TRMT11: variants seen among roughly 807,000 people sequenced by gnomAD.
The protein encoded by TRMT11 is tRNA methyltransferase 11.
Under a neutral mutation model 62.8 loss-of-function variants are expected in TRMT11, and 53 were observed. The observed-to-expected ratio is 0.84, with a 90% CI of 0.68 to 1.06. The LOEUF is 1.06. Ranked by LOEUF, TRMT11 falls within the 50% of genes least tolerant of loss-of-function variation. The pLI, the probability that TRMT11 is intolerant of heterozygous loss-of-function variation, is 0.00. For synonymous variants in TRMT11, 188 were observed against 190.3 expected (o/e 0.99, Z 0.10); for missense variants, 556 against 553.4 (o/e 1.00, Z -0.05).
At chr6:126,135,167 G>A (rs1022290910) in intron 21 of TRMT11, among the ~76,000 whole-genome samples, 1 of 151,380 alleles carries the variant, frequency 6.6e-6, no homozygotes, top group African/African-American at 2.4e-5. Context: ...ATGAAATTGA[G>A]ACTAAAAGAA....
In TRMT11 at chr6:125,993,783, T is replaced by C; in HGVS notation, c.99T>C (p.Phe33=). 6.2e-7 allele frequency: 1 copy of C among 1,611,252 alleles called. No homozygotes were observed. Among genetic ancestry groups the C allele is most frequent in the Non-Finnish European group, 8.5e-7 (1 of 1,177,822 alleles). Residue 33 remains phenylalanine (F), a synonymous_variant, in exon 2 of 13, where the codon TTT becomes TTC. Transcript: ENST00000334379. ...LPEIKSLLLL[F]GGQFASSQET... is the part of the protein sequence containing the mutation. Reference sequence around the variant, plus strand: ...AAATAAAGTCTTTGCTTTTGCTTTTTGGAGGTCAGTTTGCCAGCAGTCAAG... The same window carrying C: ...AAATAAAGTCTTTGCTTTTGCTTTTCGGAGGTCAGTTTGCCAGCAGTCAAG...
At chr6:126,200,666 T>A (rs542926138) in intron 3 of TRMT11, among the ~76,000 whole-genome samples, 49 of 152,298 alleles carry the variant, frequency 3.2e-4, no homozygotes, top group African/African-American at 1.2e-3. Context: ...GACATTCTCC[T>A]GCCTCAGCCT....
At chr6:126,090,415 C>G (rs1777261248) in intron 17 of TRMT11, among the ~76,000 whole-genome samples, 1 of 152,172 alleles carries the variant, frequency 6.6e-6, no homozygotes, top group Non-Finnish European at 1.5e-5. Flanking sequence ...TCACCCTGAT[C>G]TGATTAGATT....
intron 17 of TRMT11, among the ~76,000 whole-genome samples, chr6:126,105,894 G>A (rs748507652): frequency 1.3e-5 from 2 of 152,138 alleles, no homozygotes; most frequent in Non-Finnish European, 2.9e-5. Flanking sequence ...TCCCAGTACA[G>A]AGAAACTGAT....
At chr6:126,214,999 A>G in the TRMT11 span, among the ~76,000 whole-genome samples, 15 of 152,022 alleles carry the variant, frequency 9.9e-5, no homozygotes, top group African/African-American at 3.6e-4. Flanking sequence ...TAGTTTCCAG[A>G]ATTCCTCTTG....
At chr6:126,160,887 C>G (rs1778182330) in intron 21 of TRMT11, among the ~76,000 whole-genome samples, 1 of 152,016 alleles carries the variant, frequency 6.6e-6, no homozygotes, top group Non-Finnish European at 1.5e-5. Flanking sequence ...TGTCAGAAAA[C>G]TCCTATTTAG....
At chr6:126,072,394 C>A (rs1010659521) in intron 17 of TRMT11, among the ~76,000 whole-genome samples, 1 of 152,132 alleles carries the variant, frequency 6.6e-6, no homozygotes, top group Non-Finnish European at 1.5e-5. Context: ...GAAAGGAAAT[C>A]GGTGTTATTT....
intron 1 of TRMT11, among the ~76,000 whole-genome samples, chr6:126,178,497 A>G (rs1168920444): frequency 6.6e-6 from 1 of 152,212 alleles, no homozygotes; most frequent in African/African-American, 2.4e-5. Context: ...CCAGGGAAAC[A>G]TAGCTGTGAC....
At chr6:126,080,111 GTTT>G (rs1316373338) in intron 17 of TRMT11, among the ~76,000 whole-genome samples, 55 of 151,960 alleles carry the variant, frequency 3.6e-4, no homozygotes, top group African/African-American at 1.3e-3. Context: ...TGTTGTTGTT[GTTT>G]TTTTAGAGAC....
At chr6:126,031,778 A>G (rs913059095) in intron 12 of TRMT11, among the ~76,000 whole-genome samples, 2 of 152,168 alleles carry the variant, frequency 1.3e-5, no homozygotes, top group Non-Finnish European at 2.9e-5. Context: ...GGGCAAGCCC[A>G]TAGGGATGTT....
intron 21 of TRMT11, among the ~76,000 whole-genome samples, chr6:126,162,833 A>G (rs561741943): frequency 8.1e-4 from 123 of 152,218 alleles, no homozygotes; most frequent in Non-Finnish European, 1.5e-3. Flanking sequence ...AATTGTGAAT[A>G]GGAGTTCACT....
chr6:126,084,068 TTTACAAGGTGG>T (rs1777188135), intron 17 of TRMT11, among the ~76,000 whole-genome samples: 1 of 152,184 alleles, frequency 6.6e-6, no homozygotes. Context: ...TGCAGGTATC[TTTACAAGGTGG>T]TGATTTTATT....
chr6:126,167,629 T>C (rs1778283594), intron 21 of TRMT11, among the ~76,000 whole-genome samples: 2 of 152,186 alleles, frequency 1.3e-5, no homozygotes, highest in African/African-American at 4.8e-5. Flanking sequence ...ATCTAAAAAA[T>C]AAAGTATGGG....
chr6:126,213,578 T>G, the TRMT11 span, among the ~76,000 whole-genome samples: 1 of 152,128 alleles, frequency 6.6e-6, no homozygotes, highest in Non-Finnish European at 1.5e-5. Context: ...AGGCTATTGA[T>G]GTTTGTATGT....
chr6:126,174,386 T>C (rs117582686), upstream of TRMT11, among the ~76,000 whole-genome samples: 213 of 152,362 alleles, frequency 1.4e-3, 5 homozygotes, highest in East Asian at 0.037. Flanking sequence ...ATTTCGTATC[T>C]GTACTTCTTG....
intron 3 of TRMT11, among the ~76,000 whole-genome samples, chr6:126,200,692 C>T (rs528269951): frequency 1.3e-5 from 2 of 152,058 alleles, no homozygotes; most frequent in Non-Finnish European, 2.9e-5. Context: ...GTAGCTGGGA[C>T]TACAGGCGCC....
chr6:126,202,578 T>C (rs1778746980), downstream of TRMT11, among the ~76,000 whole-genome samples: 2 of 152,182 alleles, frequency 1.3e-5, no homozygotes, highest in South Asian at 4.1e-4. Context: ...AAAATGTCTT[T>C]TGGTTGCCAA....
At chr6:126,125,060 G>T (rs886610854) in intron 21 of TRMT11, among the ~76,000 whole-genome samples, 5 of 152,084 alleles carry the variant, frequency 3.3e-5, no homozygotes, top group Admixed American at 6.6e-5. Flanking sequence ...GATCTCTGAT[G>T]TGACAATTCC....
intron 21 of TRMT11, among the ~76,000 whole-genome samples, chr6:126,153,555 G>A (rs202123527): frequency 6.6e-6 from 1 of 152,290 alleles, no homozygotes; most frequent in East Asian, 1.9e-4. Context: ...TGACTAAGAA[G>A]ATACTGTCAC....
Sources: allele counts gnomAD v4.1 joint callset (sites outside exome capture counted in the v4.1 genomes callset), GRCh38; gene constraint gnomAD v4.1.1; transcripts MANE v1.5; gene names NCBI Gene and HGNC (gene_info 2026-07-23, HGNC 2026-07-21).